The following WARS1 variants were observed in gnomAD, a reference collection of about 807,000 sequenced individuals.
WARS1 encodes tryptophan--tRNA ligase, cytoplasmic.
A neutral mutation model predicts 47.8 loss-of-function variants in WARS1; 17 were observed. That is an observed-to-expected ratio of 0.36 (90% confidence interval 0.24 to 0.53). The LOEUF is 0.53. Ranked by LOEUF, WARS1 falls within the 20% of genes least tolerant of loss-of-function variation. The pLI is 0.91. For missense variants in WARS1, 434 were observed against 608.0 expected (o/e 0.71, Z 3.01); for synonymous variants, 208 against 228.1 (o/e 0.91, Z 0.79).
At chr14:100,374,840 C>T (rs1263186643) in intron 1 of WARS1, 1 of 152,150 alleles carries the variant, frequency 6.6e-6, no homozygotes, top group African/African-American at 2.4e-5. Flanking sequence ...TTTCTTGACA[C>T]CTTTTGGGAC....
rs543270640 is a variant in WARS1, at chr14:100,343,928, C to T, written c.827-541G>A. On this transcript the variant is annotated intron_variant, in intron 7 of 10. Transcript: ENST00000392882. ...GATTACAGGCGTGAGCCACGGCGCC[C>T]GGCCTTCCTTGCCTTTTTCATTGTA... 9.2e-5 allele frequency among the ~76,000 whole-genome samples: 14 copies of T among 152,318 alleles called. No homozygotes were observed. In the East Asian group the frequency reaches 1.4e-3, roughly 15 times the overall value.
chr14:100,338,802 T>G (rs1215967058), intron 9 of WARS1, among the ~76,000 whole-genome samples: 1 of 151,888 alleles, frequency 6.6e-6, no homozygotes, highest in Non-Finnish European at 1.5e-5. Flanking sequence ...GTTTAGTAAG[T>G]TTCCTTAAAA....
At position 100,335,039 on chromosome 14, in the gene WARS1, G is replaced by T. The variant is rs1298480560; in HGVS notation, c.1255-3C>A. ...AGCATGGCTCCGCTGGTGTAATCCT[G>T]CCCGGAGGGAGACAGCCACGTGAGA... On this transcript the variant is annotated splice_polypyrimidine_tract_variant and splice_region_variant and intron_variant, in intron 10 of 10. Coordinates refer to ENST00000392882, the MANE Select transcript of WARS1 (RefSeq NM_004184.4). 1.9e-6 allele frequency: 3 copies of T among 1,611,946 alleles called. No homozygotes were observed. Among genetic ancestry groups the T allele is most frequent in the South Asian group, 1.1e-5 (1 of 90,938 alleles).
intron 6 of WARS1, 108 bp from the exon 7 acceptor site, chr14:100,346,954 C>G: frequency 3.1e-6 from 3 of 953,740 alleles, no homozygotes; most frequent in Non-Finnish European, 4.9e-6. Flanking sequence ...GGGCCAGACT[C>G]GGGGCCACAT....
intron 2 of WARS1, chr14:100,368,530 A>G (rs1566867135): frequency 4.4e-6 from 2 of 454,934 alleles, no homozygotes; most frequent in Non-Finnish European, 4.4e-6. Flanking sequence ...GTACATAACC[A>G]AAAGATCGGC....
intron 2 of WARS1, among the ~76,000 whole-genome samples, chr14:100,367,306 C>T (rs918287267): frequency 1.3e-5 from 2 of 152,018 alleles, no homozygotes; most frequent in African/African-American, 4.8e-5. Flanking sequence ...GTCTAAAAGG[C>T]AGGCTGAGTG....
chr14:100,343,152 C>T lies in WARS1; in HGVS notation c.939+123G>A, dbSNP rs951498040. 8.4e-6 allele frequency: 6 copies of T among 714,580 alleles called. No homozygotes were observed. In the African/African-American group the frequency reaches 9.3e-5, roughly 11 times the overall value. 44.3% of individuals were successfully genotyped at this position (714,580 alleles called of 1,614,324 possible). ...TTGGCCTCCCAGAGTGCTGGTATTA[C>T]AGGCGTGAGCCACCCTGCCTGGCTG... On this transcript the variant is annotated intron_variant, in intron 8 of 10. Coordinates refer to ENST00000392882, the MANE Select transcript of WARS1 (RefSeq NM_004184.4).
intron 2 of WARS1, among the ~76,000 whole-genome samples, chr14:100,362,999 C>T (rs1022481178): frequency 4.6e-5 from 7 of 152,154 alleles, no homozygotes; most frequent in African/African-American, 1.7e-4. Context: ...GAATCAGTAA[C>T]CCAATGGATA....
Position 100,353,681 on chromosome 14 carries a change from C to T in WARS1, c.725+6G>A, listed in dbSNP as rs1895137331. On this transcript the variant is annotated splice_donor_region_variant and intron_variant, in intron 6 of 10. Coordinates refer to ENST00000392882, the MANE Select transcript of WARS1 (RefSeq NM_004184.4). ...TTGAAAAGGCAGCCAGACGTTTTCTCCTTACCCCATGTAGTCCAGGTCAGA... is the reference window on the plus strand; with the variant it reads ...TTGAAAAGGCAGCCAGACGTTTTCTTCTTACCCCATGTAGTCCAGGTCAGA... 1 of 1,613,528 alleles carries T rather than the reference C, an allele frequency of 6.2e-7. No homozygotes were observed. The highest frequency in any genetic ancestry group is 8.5e-7 in the Non-Finnish European group (1 of 1,179,734).
chr14:100,369,571 C>T (rs918463204), intron 1 of WARS1, among the ~76,000 whole-genome samples: 3 of 152,096 alleles, frequency 2.0e-5, no homozygotes, highest in Admixed American at 6.5e-5. Context: ...CCTGTGCCCC[C>T]ACCCAGTGCC....
At chr14:100,350,399 G>GAAAAA (rs56393656) in intron 6 of WARS1, among the ~76,000 whole-genome samples, 69,445 of 111,888 alleles carry the variant, frequency 0.62, 23,031 homozygotes, top group South Asian at 0.76. Flanking sequence ...CTCAAAAAAA[G>GAAAAA]AAAAAAAAAA....
chr14:100,374,125 G>A (rs1595470955), intron 1 of WARS1: 2 of 152,234 alleles, frequency 1.3e-5, no homozygotes, highest in Admixed American at 1.3e-4. Flanking sequence ...GCAGTCTCCT[G>A]GCTTTCTTAC....
chr14:100,357,898 A>G (rs984700388), intron 4 of WARS1, among the ~76,000 whole-genome samples: 1 of 152,244 alleles, frequency 6.6e-6, no homozygotes, highest in Non-Finnish European at 1.5e-5. Flanking sequence ...ACTGAAAATT[A>G]CAAAACATCA....
intron 6 of WARS1, among the ~76,000 whole-genome samples, chr14:100,350,041 A>G (rs577950786): frequency 4.6e-5 from 7 of 152,346 alleles, no homozygotes; most frequent in Admixed American, 3.9e-4. Context: ...TCAAGAAAAG[A>G]TATCATCGAC....
intron 7 of WARS1, among the ~76,000 whole-genome samples, chr14:100,345,813 C>T (rs201821878): frequency 1.1e-4 from 17 of 152,352 alleles, no homozygotes; most frequent in African/African-American, 3.8e-4. Flanking sequence ...CTCTATGGCC[C>T]GACAGGTGGT....
In WARS1 at chr14:100,369,138, G is replaced by A. The variant is rs1232440923; in HGVS notation, c.48C>T (p.Ile16=). ...ACCTTACGAGCTCCCCTTGTGTGGC[G>A]ATGCTGTTGAACAGCTCCAGCAGAG... ...PASLLELFNS[I]ATQGELVRSL... Residue 16 remains isoleucine (I), a synonymous_variant, in exon 2 of 11, where the codon ATC becomes ATT. Coordinates refer to ENST00000392882, the MANE Select transcript of WARS1 (RefSeq NM_004184.4). 4 of 1,565,796 alleles carry A rather than the reference G, an allele frequency of 2.6e-6. No individual in the cohort carries two copies. Among genetic ancestry groups the A allele is most frequent in the South Asian group, 2.3e-5 (2 of 87,038 alleles).
chr14:100,363,127 A>G (rs990894368), intron 2 of WARS1, among the ~76,000 whole-genome samples: 1 of 152,200 alleles, frequency 6.6e-6, no homozygotes, highest in Non-Finnish European at 1.5e-5. Context: ...CGTATAATCT[A>G]TCCAATTATC....
At chr14:100,360,990 T>A (rs1188935138) in intron 3 of WARS1, among the ~76,000 whole-genome samples, 1 of 151,788 alleles carries the variant, frequency 6.6e-6, no homozygotes, top group African/African-American at 2.4e-5. Context: ...TATACATATA[T>A]AAATAGGTAT....
At chr14:100,367,464 T>C (rs1185003170) in intron 2 of WARS1, among the ~76,000 whole-genome samples, 1 of 151,288 alleles carries the variant, frequency 6.6e-6, no homozygotes, top group South Asian at 2.1e-4. Context: ...GGCGGATGCC[T>C]GTAATCCCAG....
Sources: allele counts gnomAD v4.1 joint callset (sites outside exome capture counted in the v4.1 genomes callset), GRCh38; gene constraint gnomAD v4.1.1; transcripts MANE v1.5; gene names NCBI Gene and HGNC (gene_info 2026-07-23, HGNC 2026-07-21).